BLVRA: variants seen among roughly 807,000 people sequenced by gnomAD.
BLVRA encodes the protein biliverdin reductase A.
Under a neutral mutation model 32.8 loss-of-function variants are expected in BLVRA, and 22 were observed. The ratio of observed to expected loss-of-function variants is 0.67; its 90% CI spans 0.48 to 0.96. The LOEUF is 0.96. Ranked by LOEUF, BLVRA falls within the 40% of genes least tolerant of loss-of-function variation. The pLI is 0.00. For synonymous variants in BLVRA, 119 were observed against 141.3 expected, an observed-to-expected ratio of 0.84 and a Z score of 1.12; for missense variants, 323 against 358.1, an observed-to-expected ratio of 0.90 and a Z score of 0.79.
chr7:43,758,368 G>T (rs1637531), upstream of BLVRA, among the ~76,000 whole-genome samples: 2 of 151,996 alleles, frequency 1.3e-5, no homozygotes. Flanking sequence ...CCGTGAGGGG[G>T]CCAGGCACAC....
chr7:43,780,153 T>C (rs1294591752), intron 2 of BLVRA, among the ~76,000 whole-genome samples: 1 of 152,184 alleles, frequency 6.6e-6, no homozygotes, highest in African/African-American at 2.4e-5. Flanking sequence ...TTTACAGGCA[T>C]GAGCCACCAT....
intron 1 of BLVRA, among the ~76,000 whole-genome samples, chr7:43,763,174 T>C (rs2095744251): frequency 6.6e-6 from 1 of 152,014 alleles, no homozygotes; most frequent in South Asian, 2.1e-4. Context: ...GTGGGCACCA[T>C]CCCCTCTCTG....
Position 43,788,016 on chromosome 7 carries a change from T to G in BLVRA, c.125T>G (p.Phe42Cys), listed in dbSNP as rs1334777580. The change falls in exon 3 of 8, where the codon TTC becomes TGC. Residue 42 changes from phenylalanine (F) to cysteine (C), a missense_variant. Physicochemically the swap from Phe to Cys is radical, Grantham distance 205 (BLOSUM62 -2). Transcript: ENST00000265523. ...PSSAFLNLIG[F>C]VSRRELGSID... ...TCAGCGTTCCTGAACCTGATTGGCT[T>G]CGTGTCGAGGTGGCTCACAATGTCT... 1.9e-6 allele frequency: 3 copies of G among 1,614,052 alleles called. No individual in the cohort carries two copies. The African/African-American group carries it at 4.0e-5, about 22-fold the overall frequency.
At chr7:43,780,840 A>G (rs1430143071) in intron 2 of BLVRA, among the ~76,000 whole-genome samples, 3 of 152,206 alleles carry the variant, frequency 2.0e-5, no homozygotes, top group African/African-American at 4.8e-5. Context: ...TTTTGTGCAA[A>G]TACCTTCTAA....
At chr7:43,758,344 C>CAGGCACACCGTGAG (rs2095738286), upstream of BLVRA, among the ~76,000 whole-genome samples, 1 of 124,926 alleles carries the variant, frequency 8.0e-6, no homozygotes, top group African/African-American at 2.6e-5. Flanking sequence ...CCCCCCACGC[C>CAGGCACACCGTGAG]GGGGCCAGGC....
At chr7:43,805,914 G>A (rs566469464) in intron 7 of BLVRA, among the ~76,000 whole-genome samples, 2 of 152,266 alleles carry the variant, frequency 1.3e-5, no homozygotes, top group Admixed American at 1.3e-4. Flanking sequence ...AGGTAAAGCT[G>A]TATACTTATT....
intron 1 of BLVRA, among the ~76,000 whole-genome samples, chr7:43,768,164 G>T (rs907331924): frequency 5.9e-5 from 9 of 152,208 alleles, no homozygotes; most frequent in African/African-American, 2.2e-4. Context: ...ATGACTGAGG[G>T]TATCATTCTG....
chr7:43,760,557 A>G (rs918035348), intron 1 of BLVRA, among the ~76,000 whole-genome samples: 4 of 152,152 alleles, frequency 2.6e-5, no homozygotes, highest in Admixed American at 2.0e-4. Flanking sequence ...GTGGTAAATC[A>G]TATATTTAAG....
At chr7:43,766,955 C>T (rs550357895) in intron 1 of BLVRA, among the ~76,000 whole-genome samples, 1 of 152,210 alleles carries the variant, frequency 6.6e-6, no homozygotes, top group East Asian at 1.9e-4. Context: ...TGTGATCATG[C>T]GTGCCACTGC....
intron 2 of BLVRA, among the ~76,000 whole-genome samples, chr7:43,778,471 C>T (rs1035999007): frequency 3.9e-5 from 6 of 152,164 alleles, no homozygotes; most frequent in African/African-American, 7.2e-5. Context: ...TGTAGAACAG[C>T]GGATTTTCGT....
intron 4 of BLVRA, 45 bp from the exon 5 acceptor site, chr7:43,792,670 C>T (rs1236982613): frequency 6.5e-7 from 1 of 1,532,950 alleles, no homozygotes; most frequent in Non-Finnish European, 9.0e-7. Flanking sequence ...TTCAGTGAAG[C>T]TTATTCGAAG....
chr7:43,758,515 C>A (rs994857156), upstream of BLVRA, among the ~76,000 whole-genome samples: 4 of 152,212 alleles, frequency 2.6e-5, no homozygotes, highest in Non-Finnish European at 5.9e-5. Context: ...AGACCCAGGG[C>A]ACAGAGGCCA....
At chr7:43,777,991 C>T (rs1329534860) in intron 2 of BLVRA, among the ~76,000 whole-genome samples, 1 of 152,248 alleles carries the variant, frequency 6.6e-6, no homozygotes, top group Admixed American at 6.5e-5. Context: ...CTTTCAGCTC[C>T]ATCAGCTCCT....
At chr7:43,760,710 A>C (rs575219361) in intron 1 of BLVRA, among the ~76,000 whole-genome samples, 1 of 142,314 alleles carries the variant, frequency 7.0e-6, no homozygotes, top group Non-Finnish European at 1.5e-5. Flanking sequence ...AAAAAAAAAA[A>C]CACTGAATAT....
chr7:43,781,996 C>T (rs773599758), intron 2 of BLVRA, among the ~76,000 whole-genome samples: 1 of 152,186 alleles, frequency 6.6e-6, no homozygotes, highest in African/African-American at 2.4e-5. Context: ...AGTCCTCTCT[C>T]GGGAAGTCAT....
chr7:43,775,815 A>G (rs2095760163), intron 2 of BLVRA, among the ~76,000 whole-genome samples: 1 of 152,198 alleles, frequency 6.6e-6, no homozygotes, highest in Non-Finnish European at 1.5e-5. Context: ...CCACAATTTC[A>G]GAGCCTGTTA....
upstream of BLVRA, among the ~76,000 whole-genome samples, chr7:43,758,360 G>A (rs1166491124): frequency 2.6e-5 from 4 of 151,730 alleles, no homozygotes; most frequent in African/African-American, 9.7e-5. Flanking sequence ...CAGGCACACC[G>A]TGAGGGGGCC....
intron 3 of BLVRA, among the ~76,000 whole-genome samples, 188 bp from the exon 4 acceptor site, chr7:43,791,061 C>T (rs942104629): frequency 6.6e-6 from 1 of 152,178 alleles, no homozygotes; most frequent in African/African-American, 2.4e-5. Flanking sequence ...ATGCCAGATC[C>T]CCTGACTTGA....
chr7:43,791,366 C>T lies in BLVRA; in HGVS notation c.252C>T (p.Ile84=), dbSNP rs774413046. ...AGAGCTCCAGCCATGAGGACTACATCAGGTGGGTTTTCCACACAGGCAGTC... is the reference window on the plus strand; with the variant it reads ...AGAGCTCCAGCCATGAGGACTACATTAGGTGGGTTTTCCACACAGGCAGTC... ...CSESSSHEDY[I]RQFLNAGKHV... is the part of the protein sequence containing the mutation. Residue 84 remains isoleucine (I), a splice_region_variant and synonymous_variant, in exon 4 of 8, where the codon ATC becomes ATT. Coordinates refer to ENST00000265523, the MANE Select transcript of BLVRA (RefSeq NM_000712.4). 27 of 1,614,140 alleles carry T rather than the reference C, an allele frequency of 1.7e-5. No homozygotes were observed. The highest frequency in any genetic ancestry group is 2.2e-5 in the Non-Finnish European group (26 of 1,179,996).
Sources: allele counts gnomAD v4.1 joint callset (sites outside exome capture counted in the v4.1 genomes callset), GRCh38; gene constraint gnomAD v4.1.1; transcripts MANE v1.5; gene names NCBI Gene and HGNC (gene_info 2026-07-23, HGNC 2026-07-21).